The following GCN1 variants were observed in gnomAD, a reference collection of about 807,000 sequenced individuals.
GCN1 encodes the protein stalled ribosome sensor GCN1.
GCN1 carries 90 observed loss-of-function variants against 288.4 expected under a neutral mutation model. That is an observed-to-expected ratio of 0.31 (90% CI 0.26 to 0.37). The LOEUF is 0.37. GCN1 is among the 10% of genes least tolerant of loss of function. The pLI is 1.00. For synonymous variants in GCN1, 1,386 were observed against 1,420.2 expected (o/e 0.98, Z 0.54); for missense variants, 2,586 against 3,419.9 (o/e 0.76, Z 6.08).
In GCN1 at chr12:120,184,111, C is replaced by A; in HGVS notation, c.317+1G>T. The A allele has an allele frequency of 6.2e-7, 1 of 1,611,382 alleles. No homozygotes were observed. ...AGGGGGCCACAACTTTTACCTCTTA[C>A]CTGGGAACACCTGCTTTGGAGCCTA... On this transcript the variant is annotated splice_donor_variant, in intron 4 of 57. Coordinates refer to ENST00000300648, the MANE Select transcript of GCN1 (RefSeq NM_006836.2). LOFTEE classifies it high-confidence loss of function.
chr12:120,164,810 G>A (rs1199603578), intron 16 of GCN1, 89 bp from the exon 17 acceptor site: 3 of 761,530 alleles, frequency 3.9e-6, no homozygotes, highest in Non-Finnish European at 6.6e-6. Context: ...GGAATGAACT[G>A]AAAATTAACA....
intron 14 of GCN1, among the ~76,000 whole-genome samples, chr12:120,172,879 T>C (rs1430519376): frequency 1.3e-5 from 2 of 152,136 alleles, no homozygotes; most frequent in African/African-American, 2.4e-5. Context: ...ATCTCTGAGA[T>C]GGAAATCAGT....
chr12:120,191,919 AC>A (rs890419724), intron 1 of GCN1, among the ~76,000 whole-genome samples: 5 of 152,116 alleles, frequency 3.3e-5, no homozygotes, highest in African/African-American at 1.2e-4. Flanking sequence ...CCTTTCCACC[AC>A]AGCTCCCTTT....
Position 120,137,775 on chromosome 12 carries a change from C to T in GCN1, c.6433G>A (p.Asp2145Asn). ...ATGATGATCCGGTGCCCTGTGTCAT[C>T]CTCTACGGAGAGGATCACAGCCTGA... ...NCQAVILSVE[D>N]DTGHRIIIED... Residue 2145 changes from aspartate (D) to asparagine (N), a missense_variant, in exon 49 of 58, where the codon GAT (aspartate) becomes AAT (asparagine). Physicochemically the swap from Asp to Asn is conservative, Grantham distance 23 (BLOSUM62 1). Coordinates refer to ENST00000300648, the MANE Select transcript of GCN1 (RefSeq NM_006836.2). The surrounding 1 kb of genome is among the most constrained non-coding windows in gnomAD (Gnocchi z 5.2). The T allele has an allele frequency of 6.2e-7, 1 of 1,614,088 alleles. No individual in the cohort carries two copies. Among genetic ancestry groups the T allele is most frequent in the Non-Finnish European group, 8.5e-7 (1 of 1,179,980 alleles).
rs768658682 is a variant in GCN1 at position 120,134,772 on chromosome 12, A to G, written c.7009-46T>C. 5 of 1,515,474 alleles carry G rather than the reference A, an allele frequency of 3.3e-6. No homozygotes were observed. The East Asian group carries it at 1.1e-4, about 34-fold the overall frequency. The allele number at this position is 1,515,474 out of a possible 1,614,324, so 93.9% of individuals were successfully genotyped here. ...CATGAAAGACAGTTGTGGTAGACCC[A>G]AAGCCACAGTGTACCACAGGCATGA... On this transcript the variant is annotated intron_variant, in intron 51 of 57. Coordinates refer to ENST00000300648, the MANE Select transcript of GCN1 (RefSeq NM_006836.2). This position sits in a 1 kb window ranked among gnomAD's most constrained non-coding sequence, Gnocchi z 5.0.
intron 2 of GCN1, 102 bp from the exon 3 acceptor site, chr12:120,184,989 C>T: frequency 1.3e-6 from 1 of 767,944 alleles, no homozygotes; most frequent in African/African-American, 1.7e-5. Context: ...ACTGGACACT[C>T]CCCATATATT....
Position 120,158,002 on chromosome 12 carries a change from G to A in GCN1, c.2934C>T (p.Phe978=), listed in dbSNP as rs754446487. 6.2e-7 allele frequency: 1 copy of A among 1,613,984 alleles called. No individual in the cohort carries two copies. The highest frequency in any genetic ancestry group is 1.3e-5 in the African/African-American group (1 of 75,084). The change falls in exon 26 of 58, where the codon TTC becomes TTT. Residue 978 remains phenylalanine (F), a synonymous_variant. Coordinates refer to ENST00000300648, the MANE Select transcript of GCN1 (RefSeq NM_006836.2). The surrounding 1 kb of genome is among the most constrained non-coding windows in gnomAD (Gnocchi z 4.3). ...PGAAPLSAPA[F]SLVFPFLKMV... ...TCTTCAGAAACGGGAAGACTAAGGA[G>A]AAGGCTGGCGCGGACAAGGGCGCAG... is the stretch of plus-strand genomic sequence containing the variant.
Position 120,137,401 on chromosome 12 carries a change from G to T in GCN1, c.6664-82C>A. Reference sequence around the variant, plus strand: ...AAGAATATATGGGGAAAGCGTGGGCGGGAGTATAAACAAGACTTGCCACGA... The same window carrying T: ...AAGAATATATGGGGAAAGCGTGGGCTGGAGTATAAACAAGACTTGCCACGA... On this transcript the variant is annotated intron_variant, in intron 49 of 57. Coordinates refer to ENST00000300648, the MANE Select transcript of GCN1 (RefSeq NM_006836.2). The surrounding 1 kb of genome is among the most constrained non-coding windows in gnomAD (Gnocchi z 5.2). 3 of 1,413,516 alleles carry T rather than the reference G, an allele frequency of 2.1e-6. No homozygotes were observed. Among genetic ancestry groups the T allele is most frequent in the Non-Finnish European group, 3.0e-6 (3 of 1,001,934 alleles). The allele number at this position is 1,413,516 out of a possible 1,614,324, so 87.6% of individuals were successfully genotyped here.
At chr12:120,179,589 C>A (rs1244926831) in intron 5 of GCN1, among the ~76,000 whole-genome samples, 1 of 151,824 alleles carries the variant, frequency 6.6e-6, no homozygotes, top group Non-Finnish European at 1.5e-5. Flanking sequence ...TTAGTAGAGA[C>A]GGGGTTTCAC....
At chr12:120,136,771 AC>A in intron 50 of GCN1, 39 bp from the exon 51 acceptor site, 1 of 1,497,162 alleles carries the variant, frequency 6.7e-7, no homozygotes, top group Non-Finnish European at 9.3e-7. Context: ...AATCTCAAAC[AC>A]CCTGGGCCCT....
chr12:120,138,249 C>G (rs1295668068), intron 47 of GCN1, 74 bp downstream of exon 47: 10 of 1,026,048 alleles, frequency 9.7e-6, no homozygotes, highest in Admixed American at 3.4e-5. Context: ...ACGTTCAGAA[C>G]TGGTCTTCAC....
At chr12:120,181,216 A>G (rs887512324) in intron 5 of GCN1, among the ~76,000 whole-genome samples, 1 of 152,118 alleles carries the variant, frequency 6.6e-6, no homozygotes, top group Non-Finnish European at 1.5e-5. Context: ...CTATAAACCC[A>G]GCACTTTGGA....
At chr12:120,152,013 GTAAAGTTTTT>G (rs142542493) in intron 33 of GCN1, among the ~76,000 whole-genome samples, 4,200 of 152,154 alleles carry the variant, frequency 0.028, 94 homozygotes, top group Non-Finnish European at 0.045. Flanking sequence ...CATTTTTTTG[GTAAAGTTTTT>G]TGTTGTTTTT....
intron 17 of GCN1, 48 bp from the exon 18 acceptor site, chr12:120,164,543 C>A: frequency 1.2e-6 from 2 of 1,605,434 alleles, no homozygotes; most frequent in Non-Finnish European, 8.5e-7. Flanking sequence ...AAGAGCAGGG[C>A]TTTCCACAGC....
rs146468941 is a variant in GCN1, at chr12:120,159,926, G to C, written c.2648C>G (p.Ser883Cys). ...LTQYIPVLVD[S>C]FLPLLKSPLA... ...GGGAGACTTCAGCAAGGGCAGAAAA[G>C]AGTCGACCAAAACAGGGATGTACTG... The change falls in exon 24 of 58, where the codon TCT becomes TGT. Residue 883 changes from serine to cysteine, a missense_variant. Physicochemically the swap from Ser to Cys is moderately radical, Grantham distance 112. Around this residue, in one of 8 missense-constraint regions of GCN1, gnomAD observed 913 missense variants for 1,107.0 expected, o/e 0.82. Transcript: ENST00000300648. The C allele has an allele frequency of 7.3e-4, 1,174 of 1,614,174 alleles. 6 individuals are homozygous for C. The African/African-American group carries it at 0.014, about 19-fold the overall frequency.
At chr12:120,185,485 G>C (rs1878791823) in intron 2 of GCN1, among the ~76,000 whole-genome samples, 1 of 152,180 alleles carries the variant, frequency 6.6e-6, no homozygotes, top group African/African-American at 2.4e-5. Flanking sequence ...TGAAGAAGAA[G>C]AGAGGACTAA....
Position 120,177,452 on chromosome 12 carries a change from A to AT in GCN1, c.832dup (p.Ile278AsnfsTer2). 1 of 1,543,248 alleles carries AT rather than the reference A, an allele frequency of 6.5e-7. No homozygotes were observed. The highest frequency in any genetic ancestry group is 9.0e-7 in the Non-Finnish European group (1 of 1,116,126). On this transcript the variant is annotated frameshift_variant, in exon 9 of 58. Coordinates refer to ENST00000300648, the MANE Select transcript of GCN1 (RefSeq NM_006836.2). LOFTEE classifies it high-confidence loss of function. ...CCTGGTTGACAGCAACCTACTTTCA[A>AT]TAACATTCTCTGGACTCCTCAGTAA...
intron 44 of GCN1, among the ~76,000 whole-genome samples, chr12:120,141,910 T>C (rs559244591): frequency 2.0e-5 from 3 of 152,354 alleles, no homozygotes; most frequent in African/African-American, 7.2e-5. Flanking sequence ...TGTGTGGTTA[T>C]TTGATTAATA....
chr12:120,132,128 TG>T, intron 53 of GCN1, 106 bp from the exon 54 acceptor site: 1 of 728,992 alleles, frequency 1.4e-6, no homozygotes, highest in Non-Finnish European at 2.4e-6. Flanking sequence ...ACAAAGAAGG[TG>T]GAAAAGCCAA....
Sources: gnomAD v4.1 joint callset for allele counts (sites outside exome capture counted in the v4.1 genomes callset) on GRCh38, gnomAD v4.1.1 for gene constraint, gnomAD v4.1.1 regional missense constraint, Gnocchi (gnomAD v3.1) non-coding constraint, MANE v1.5 for transcripts, NCBI Gene and HGNC (gene_info 2026-07-23, HGNC 2026-07-21) for gene names.